The following NGFR variants were observed in gnomAD, a reference collection of about 807,000 sequenced individuals.
NGFR encodes nerve growth factor receptor.
A neutral mutation model predicts 43.2 loss-of-function variants in NGFR; 30 were observed. The ratio of observed to expected loss-of-function variants is 0.69; its 90% confidence interval spans 0.52 to 0.94. NGFR has a LOEUF of 0.94. Ranked by LOEUF, NGFR falls within the 40% of genes least tolerant of loss-of-function variation. NGFR has a pLI of 0.00. For missense variants in NGFR, 529 were observed against 602.5 expected, an observed-to-expected ratio of 0.88 and a Z score of 1.28; for synonymous variants, 246 against 259.6, an observed-to-expected ratio of 0.95 and a Z score of 0.50.
intron 3 of NGFR, 134 bp from the exon 4 acceptor site, chr17:49,510,278 C>T: frequency 1.5e-6 from 2 of 1,309,646 alleles, no homozygotes; most frequent in South Asian, 1.4e-5. Context: ...CACGCAATCC[C>T]AGCTGTGCAT....
chr17:49,505,420 C>T (rs539765883), intron 2 of NGFR, among the ~76,000 whole-genome samples: 4 of 152,350 alleles, frequency 2.6e-5, no homozygotes, highest in Admixed American at 1.3e-4. Flanking sequence ...GTTCCTTCCC[C>T]TCCCTGTACA....
intron 2 of NGFR, among the ~76,000 whole-genome samples, chr17:49,502,815 T>TCTTCCTTCCTTCCTTCCTTCCTTCCTTC (rs10672288): frequency 5.8e-5 from 7 of 121,590 alleles, no homozygotes; most frequent in Admixed American, 1.7e-4. Context: ...GCCTGGGATT[T>TCTTCCTTCCTTCCTTCCTTCCTTCCTTC]CTTCCTTCCT....
Position 49,506,648 on chromosome 17 carries a change from C to CGAGTGCGA in NGFR, c.560_567dup (p.Glu190SerfsTer38), listed in dbSNP as rs1298325820. ...GCGAGTGCACACGCTGGGCCGACGC[C>CGAGTGCGA]GAGTGCGAGGGTGAGTGCGGTTCGG... On this transcript the variant is annotated frameshift_variant, in exon 3 of 6. Coordinates refer to ENST00000172229, the MANE Select transcript of NGFR (RefSeq NM_002507.4). LOFTEE classifies it high-confidence loss of function. 2 of 1,061,120 alleles carry CGAGTGCGA rather than the reference C, an allele frequency of 1.9e-6. No homozygotes were observed. Among genetic ancestry groups the CGAGTGCGA allele is most frequent in the Non-Finnish European group, 2.3e-6 (2 of 868,544 alleles). The allele number at this position is 1,061,120 out of a possible 1,614,324, so 65.7% of individuals were successfully genotyped here.
At chr17:49,505,458 C>T (rs1182130412) in intron 2 of NGFR, among the ~76,000 whole-genome samples, 1 of 152,214 alleles carries the variant, frequency 6.6e-6, no homozygotes, top group Non-Finnish European at 1.5e-5. Flanking sequence ...GCGTGCCCAG[C>T]CTCCTTCTCC....
chr17:49,508,552 C>T lies in NGFR; in HGVS notation c.569-1860C>T, dbSNP rs11466142. ...CCCCTCCAGCGTACCATACTTTCCCCGCATTTACTTACGTTTCAGGTGTCA... is the reference window on the plus strand; with the variant it reads ...CCCCTCCAGCGTACCATACTTTCCCTGCATTTACTTACGTTTCAGGTGTCA... On this transcript the variant is annotated intron_variant, in intron 3 of 5. Coordinates refer to ENST00000172229, the MANE Select transcript of NGFR (RefSeq NM_002507.4). Among the ~76,000 whole-genome samples, 686 of 152,290 alleles carry T rather than the reference C, an allele frequency of 4.5e-3. 6 individuals carry two copies. The highest frequency in any genetic ancestry group is 0.015 in the African/African-American group (619 of 41,570).
intron 1 of NGFR, among the ~76,000 whole-genome samples, chr17:49,501,704 T>C (rs2143426826): frequency 6.6e-6 from 1 of 152,324 alleles, no homozygotes; most frequent in Middle Eastern, 3.4e-3. Flanking sequence ...CTACAACCTG[T>C]CCAACCATTC....
At position 49,512,756 on chromosome 17, in the gene NGFR, G is replaced by T; in HGVS notation, c.1031G>T (p.Arg344Leu). The change falls in exon 6 of 6, where the codon CGG (arginine) becomes CTG (leucine). Residue 344 changes from arginine (R) to leucine (L), a missense_variant. Arg to Leu is a moderately radical substitution (Grantham distance 102). Coordinates refer to ENST00000172229, the MANE Select transcript of NGFR (RefSeq NM_002507.4). This position sits in a 1 kb window ranked among gnomAD's most constrained non-coding sequence, Gnocchi z 5.2. ...TACAGCAGCCTGCCCCCAGCCAAGC[G>T]GGAGGAGGTGGAGAAGCTTCTCAAC... Reference protein sequence around the residue: ...GLYSSLPPAKREEVEKLLNGS... With the variant: ...GLYSSLPPAKLEEVEKLLNGS... 6.2e-7 allele frequency: 1 copy of T among 1,612,836 alleles called. No homozygotes were observed. The highest frequency in any genetic ancestry group is 8.5e-7 in the Non-Finnish European group (1 of 1,179,730).
In NGFR at chr17:49,495,464, T is replaced by G; in HGVS notation, c.47T>G (p.Leu16Arg). The change falls in exon 1 of 6, where the codon CTG (leucine) becomes CGG (arginine). Residue 16 changes from leucine to arginine, a missense_variant. By Grantham distance (102) the Leu-to-Arg change is moderately radical (BLOSUM62 -2). Transcript: ENST00000172229. The surrounding 1 kb of genome is among the most constrained non-coding windows in gnomAD (Gnocchi z 6.4). ...TGRAMDGPRL[L>R]LLLLLGVSLG... ...CGCGCCATGGACGGGCCGCGCCTGC[T>G]GCTGTTGCTGCTTCTGGGGGTGAGT... 4 of 1,236,746 alleles carry G rather than the reference T, an allele frequency of 3.2e-6. No individual in the cohort carries two copies. Among genetic ancestry groups the G allele is most frequent in the Non-Finnish European group, 2.0e-6 (2 of 988,630 alleles). 76.6% of individuals were successfully genotyped at this position (1,236,746 alleles called of 1,614,324 possible). A position where few individuals can be genotyped will look rare whatever the true frequency, so the allele number is the denominator to read the frequency against.
intron 1 of NGFR, 104 bp from the exon 2 acceptor site, chr17:49,501,959 A>G (rs1406933751): frequency 8.2e-7 from 1 of 1,221,888 alleles, no homozygotes; most frequent in African/African-American, 1.5e-5. Flanking sequence ...GGTGGTTCTA[A>G]TAGAAGGCAG....
At chr17:49,506,686 GTGGGGGTGCGGGGGTGGGC>G in intron 3 of NGFR, 28 bp downstream of exon 3, 2 of 1,095,570 alleles carry the variant, frequency 1.8e-6, no homozygotes, top group Admixed American at 3.1e-5. Flanking sequence ...GGCGGGGGGA[GTGGGGGTGCGGGGGTGGGC>G]TGGGGGCATA....
At chr17:49,504,781 T>C (rs2071187206) in intron 2 of NGFR, among the ~76,000 whole-genome samples, 1 of 143,788 alleles carries the variant, frequency 7.0e-6, no homozygotes, top group African/African-American at 2.6e-5. Flanking sequence ...TTTTTTTTTT[T>C]TTTTTTTTTT....
At chr17:49,501,424 CAG>C (rs1309459500) in intron 1 of NGFR, among the ~76,000 whole-genome samples, 1 of 152,256 alleles carries the variant, frequency 6.6e-6, no homozygotes, top group East Asian at 1.9e-4. Context: ...AATGAAGACT[CAG>C]AGGGAAGATG....
In NGFR at chr17:49,495,713, G is replaced by T. The variant is rs1285801009; in HGVS notation, c.66+230G>T. On this transcript the variant is annotated intron_variant, in intron 1 of 5. Coordinates refer to ENST00000172229, the MANE Select transcript of NGFR (RefSeq NM_002507.4). This position sits in a 1 kb window ranked among gnomAD's most constrained non-coding sequence, Gnocchi z 6.4. ...AGGGCAAGACCGGAGCACGGATGCC[G>T]GTCCTCAGGTACCGCAGGGGGCGGT... 5 of 403,432 alleles carry T rather than the reference G, an allele frequency of 1.2e-5. No individual in the cohort carries two copies. The highest frequency in any genetic ancestry group is 8.9e-5 in the Admixed American group (2 of 22,542). The allele number at this position is 403,432 out of a possible 1,614,324, so 25.0% of individuals were successfully genotyped here.
intron 4 of NGFR, among the ~76,000 whole-genome samples, chr17:49,511,537 G>GT (rs1240741581): frequency 6.9e-6 from 1 of 144,358 alleles, no homozygotes; most frequent in Non-Finnish European, 1.5e-5. Context: ...TTTTTTTCCA[G>GT]TTTTTTGTTA....
At chr17:49,511,566 G>A (rs2071232783) in intron 4 of NGFR, among the ~76,000 whole-genome samples, 1 of 151,664 alleles carries the variant, frequency 6.6e-6, no homozygotes, top group Non-Finnish European at 1.5e-5. Context: ...AATTGCAGAG[G>A]AAATCCTTTT....
chr17:49,500,431 G>A (rs2071161462), intron 1 of NGFR, among the ~76,000 whole-genome samples: 1 of 152,344 alleles, frequency 6.6e-6, no homozygotes, highest in Non-Finnish European at 1.5e-5. Flanking sequence ...AGCTCCCTCA[G>A]GGAGCTGACA....
Position 49,495,556 on chromosome 17 carries a change from C to A in NGFR, c.66+73C>A. Reference sequence around the variant, plus strand: ...TCCGAGAAGAGCCGGGCGCCGCCACCAAGGAAACAGAACAGAGCATTGGGG... The same window carrying A: ...TCCGAGAAGAGCCGGGCGCCGCCACAAAGGAAACAGAACAGAGCATTGGGG... On this transcript the variant is annotated intron_variant, in intron 1 of 5. Transcript: ENST00000172229. This position sits in a 1 kb window ranked among gnomAD's most constrained non-coding sequence, Gnocchi z 6.4. 2 of 1,158,246 alleles carry A rather than the reference C, an allele frequency of 1.7e-6. No homozygotes were observed. The highest frequency in any genetic ancestry group is 2.2e-6 in the Non-Finnish European group (2 of 918,298). The allele number at this position is 1,158,246 out of a possible 1,614,324, so 71.7% of individuals were successfully genotyped here.
chr17:49,512,056 A>G lies in NGFR; in HGVS notation c.982+4A>G. 1.2e-6 allele frequency: 2 copies of G among 1,612,020 alleles called. No homozygotes were observed. The highest frequency in any genetic ancestry group is 1.7e-5 in the Admixed American group (1 of 59,872). ...ACGCAGACAGCCTCGGGCCAGGGTG[A>G]GCAGCGGCCCGCTGGGGAGCTGAGG... On this transcript the variant is annotated splice_donor_region_variant and intron_variant, in intron 5 of 5. Coordinates refer to ENST00000172229, the MANE Select transcript of NGFR (RefSeq NM_002507.4). This position sits in a 1 kb window ranked among gnomAD's most constrained non-coding sequence, Gnocchi z 5.2.
intron 2 of NGFR, among the ~76,000 whole-genome samples, chr17:49,503,461 A>C (rs1487603658): frequency 2.6e-5 from 4 of 152,156 alleles, no homozygotes; most frequent in African/African-American, 9.7e-5. Context: ...GCTCGAGGGA[A>C]CCATACTCAG....
Sources: allele counts gnomAD v4.1 joint callset (sites outside exome capture counted in the v4.1 genomes callset), GRCh38; gene constraint gnomAD v4.1.1; non-coding constraint Gnocchi (gnomAD v3.1); transcripts MANE v1.5; gene names NCBI Gene and HGNC (gene_info 2026-07-23, HGNC 2026-07-21).